Variants in SLC38A6 observed in about 807,000 individuals in gnomAD.
SLC38A6 encodes N system amino acid transporter NAT-1.
A neutral mutation model predicts 65.0 loss-of-function variants in SLC38A6; 73 were observed. The observed-to-expected ratio is 1.12, with a 90% CI of 0.93 to 1.37. SLC38A6 has a LOEUF of 1.37. Ranked by LOEUF, SLC38A6 falls within the 40% of genes most tolerant of loss-of-function variation. SLC38A6 has a pLI of 0.00. For missense variants in SLC38A6, 561 were observed against 531.1 expected (o/e 1.06, Z -0.55); for synonymous variants, 183 against 178.8 (o/e 1.02, Z -0.19).
At chr14:61,017,902 A>T (rs1447785470) in intron 4 of SLC38A6, among the ~76,000 whole-genome samples, 1 of 152,196 alleles carries the variant, frequency 6.6e-6, no homozygotes, top group African/African-American at 2.4e-5. Flanking sequence ...TTCTATCCAG[A>T]TGTTATATAG....
intron 3 of SLC38A6, among the ~76,000 whole-genome samples, chr14:61,013,716 A>G (rs191306789): frequency 6.6e-6 from 1 of 152,184 alleles, no homozygotes; most frequent in Admixed American, 6.5e-5. Context: ...ATTGGCCCCC[A>G]ATGTCTTCTG....
At chr14:61,012,096 C>T in intron 3 of SLC38A6, among the ~76,000 whole-genome samples, 1 of 152,108 alleles carries the variant, frequency 6.6e-6, no homozygotes, top group East Asian at 1.9e-4. Context: ...TCAACTTCTT[C>T]CTGGTTTAGT....
intron 1 of SLC38A6, 168 bp downstream of exon 1, chr14:60,981,550 G>A (rs1880537018): frequency 6.5e-7 from 1 of 1,530,428 alleles, no homozygotes; most frequent in South Asian, 1.2e-5. Context: ...GATGAGATTG[G>A]CGCAGTTATG....
intron 8 of SLC38A6, among the ~76,000 whole-genome samples, chr14:61,042,598 C>G (rs1438152956): frequency 6.6e-6 from 1 of 152,142 alleles, no homozygotes; most frequent in Non-Finnish European, 1.5e-5. Context: ...AGTTCCCTAG[C>G]TATATGCTCC....
chr14:60,982,099 G>T, intron 1 of SLC38A6: 1 of 456,572 alleles, frequency 2.2e-6, no homozygotes, highest in Non-Finnish European at 4.4e-6. Context: ...TAGTTGTGCA[G>T]TCCTAGTAAT....
Position 60,995,400 on chromosome 14 carries a change from G to T in SLC38A6, c.310+10597G>T, listed in dbSNP as rs1157551970. ...AAATACTGCATGATCTCACATTCAT[G>T]TGGAATCTAAAAAAGTCAAATACAT... On this transcript the variant is annotated intron_variant, in intron 3 of 15. Coordinates refer to ENST00000267488, the MANE Select transcript of SLC38A6 (RefSeq NM_153811.3). 1.3e-5 allele frequency among the ~76,000 whole-genome samples: 2 copies of T among 152,188 alleles called. 1 individual carries two copies. Among genetic ancestry groups the T allele is most frequent in the East Asian group, 3.8e-4 (2 of 5,200 alleles).
At chr14:60,983,317 C>A (rs1056400197) in intron 2 of SLC38A6, among the ~76,000 whole-genome samples, 2 of 151,972 alleles carry the variant, frequency 1.3e-5, no homozygotes, top group African/African-American at 4.8e-5. Context: ...ATGGTGAAAC[C>A]CCATCTCTGC....
intron 3 of SLC38A6, among the ~76,000 whole-genome samples, chr14:61,014,880 G>T (rs150140166): frequency 1.3e-5 from 2 of 152,288 alleles, no homozygotes; most frequent in East Asian, 3.9e-4. Flanking sequence ...CTCCAGCTGC[G>T]TGCTGGGAGA....
intron 3 of SLC38A6, among the ~76,000 whole-genome samples, chr14:61,012,901 C>T (rs1054863443): frequency 2.0e-5 from 3 of 152,064 alleles, no homozygotes; most frequent in Non-Finnish European, 4.4e-5. Flanking sequence ...CTATTAGGTC[C>T]ACTTGGTGCA....
rs541937687 is a variant in SLC38A6 at position 61,003,744 on chromosome 14, G to C, written c.311-12160G>C. On this transcript the variant is annotated intron_variant, in intron 3 of 15. Coordinates refer to ENST00000267488, the MANE Select transcript of SLC38A6 (RefSeq NM_153811.3). ...CTGTGTACACATTTTATTTAGTAAAGCCTCAATGTTAAGCAAGAAGCCATT... is the reference window on the plus strand; with the variant it reads ...CTGTGTACACATTTTATTTAGTAAACCCTCAATGTTAAGCAAGAAGCCATT... Among the ~76,000 whole-genome samples the C allele has an allele frequency of 2.1e-4, 32 of 152,238 alleles. No homozygotes were observed. In the South Asian group the frequency reaches 6.0e-3, roughly 29 times the overall value.
chr14:61,080,913 C>T (rs2043618109), intron 16 of SLC38A6, among the ~76,000 whole-genome samples: 1 of 152,170 alleles, frequency 6.6e-6, no homozygotes, highest in Non-Finnish European at 1.5e-5. Flanking sequence ...GCATTGTCAG[C>T]GCGAGGGAGG....
At chr14:60,997,352 A>G (rs1025575915) in intron 3 of SLC38A6, among the ~76,000 whole-genome samples, 2 of 152,070 alleles carry the variant, frequency 1.3e-5, no homozygotes, top group Non-Finnish European at 2.9e-5. Flanking sequence ...GGGTTTCACC[A>G]TGTTGGTCAG....
intron 4 of SLC38A6, among the ~76,000 whole-genome samples, chr14:61,017,242 G>T (rs1264650212): frequency 6.6e-6 from 1 of 152,128 alleles, no homozygotes; most frequent in Non-Finnish European, 1.5e-5. Context: ...ATTTCTCTAT[G>T]TTGGTCAGGC....
chr14:60,988,786 G>T (rs2139696762), intron 3 of SLC38A6, among the ~76,000 whole-genome samples: 1 of 152,156 alleles, frequency 6.6e-6, no homozygotes, highest in South Asian at 2.1e-4. Context: ...TTAATCCCTT[G>T]CCTATCCCTT....
intron 3 of SLC38A6, among the ~76,000 whole-genome samples, chr14:61,014,362 C>T (rs914884501): frequency 5.3e-5 from 8 of 152,094 alleles, no homozygotes; most frequent in Admixed American, 4.6e-4. Context: ...GTTTGATCTT[C>T]TGAAGCCTTC....
intron 6 of SLC38A6, among the ~76,000 whole-genome samples, chr14:61,035,077 A>G (rs573982964): frequency 9.2e-5 from 14 of 152,260 alleles, no homozygotes; most frequent in Non-Finnish European, 2.9e-5. Flanking sequence ...GCAAAGTGGG[A>G]ATTTTGAGAT....
At chr14:61,061,799 G>T (rs1594772055) in intron 15 of SLC38A6, among the ~76,000 whole-genome samples, 1 of 149,612 alleles carries the variant, frequency 6.7e-6, no homozygotes. Context: ...TACAAATAAA[G>T]CTGCTCTAAG....
chr14:61,011,202 A>G (rs1296357869), intron 3 of SLC38A6, among the ~76,000 whole-genome samples: 1 of 152,120 alleles, frequency 6.6e-6, no homozygotes, highest in Non-Finnish European at 1.5e-5. Flanking sequence ...GGTATATAGG[A>G]ATGCATGTGA....
chr14:61,037,726 T>C, intron 8 of SLC38A6, 43 bp downstream of exon 8: 2 of 1,299,886 alleles, frequency 1.5e-6, no homozygotes, highest in South Asian at 1.4e-5. Context: ...CTCACTAAAA[T>C]TGGACTCATT....
Sources: allele counts gnomAD v4.1 joint callset (sites outside exome capture counted in the v4.1 genomes callset), GRCh38; gene constraint gnomAD v4.1.1; transcripts MANE v1.5; gene names NCBI Gene and HGNC (gene_info 2026-07-23, HGNC 2026-07-21).